Variants in HS6ST3 observed in about 807,000 individuals in gnomAD.
HS6ST3 encodes the protein heparan sulfate 6-O-sulfotransferase 3.
HS6ST3 carries 12 observed loss-of-function variants against 36.7 expected under a neutral mutation model. The observed-to-expected ratio is 0.33, with a 90% CI of 0.21 to 0.53. The LOEUF is 0.53. Ranked by LOEUF, HS6ST3 falls within the 20% of genes least tolerant of loss-of-function variation. HS6ST3 has a pLI of 0.95. For synonymous variants in HS6ST3, 240 were observed against 257.5 expected (o/e 0.93, Z 0.65); for missense variants, 584 against 640.9 (o/e 0.91, Z 0.96).
chr13:96,094,211 T>G (rs2053778983), intron 1 of HS6ST3, among the ~76,000 whole-genome samples: 1 of 152,202 alleles, frequency 6.6e-6, no homozygotes, highest in Non-Finnish European at 1.5e-5. Context: ...ATGGCCATTA[T>G]AGGGGTGTTG....
chr13:96,253,174 G>A (rs1053836131), intron 1 of HS6ST3, among the ~76,000 whole-genome samples: 5 of 152,026 alleles, frequency 3.3e-5, no homozygotes, highest in Non-Finnish European at 7.4e-5. Context: ...GAGTTTGTGA[G>A]CCAGTTAGTA....
At chr13:96,340,206 C>T (rs2055123242) in intron 1 of HS6ST3, among the ~76,000 whole-genome samples, 1 of 152,180 alleles carries the variant, frequency 6.6e-6, no homozygotes, top group African/African-American at 2.4e-5. Flanking sequence ...ACATGTCACC[C>T]AGAGGTCCTG....
At chr13:96,542,524 G>A (rs982593432) in intron 1 of HS6ST3, among the ~76,000 whole-genome samples, 2 of 152,050 alleles carry the variant, frequency 1.3e-5, no homozygotes, top group African/African-American at 4.8e-5. Context: ...ATTTGGGAAG[G>A]GGGAACTTGT....
chr13:96,272,770 T>C (rs1300040520), intron 1 of HS6ST3, among the ~76,000 whole-genome samples: 1 of 152,014 alleles, frequency 6.6e-6, no homozygotes, highest in African/African-American at 2.4e-5. Flanking sequence ...AGATATTCTT[T>C]AGTAGGTCTT....
chr13:96,689,882 T>G (rs1039149476), intron 1 of HS6ST3, among the ~76,000 whole-genome samples: 4 of 152,050 alleles, frequency 2.6e-5, no homozygotes, highest in Non-Finnish European at 4.4e-5. Context: ...GCATTAACAT[T>G]GATAACTTAG....
intron 1 of HS6ST3, among the ~76,000 whole-genome samples, chr13:96,526,735 T>C (rs1487606789): frequency 6.6e-6 from 1 of 152,216 alleles, no homozygotes; most frequent in African/African-American, 2.4e-5. Context: ...TTTTTCTTCA[T>C]ATCATTAGGT....
At chr13:96,517,375 G>A (rs559635035) in intron 1 of HS6ST3, among the ~76,000 whole-genome samples, 1 of 152,270 alleles carries the variant, frequency 6.6e-6, no homozygotes, top group South Asian at 2.1e-4. Context: ...GCAAGACCCT[G>A]TCTCAAACAA....
At chr13:96,650,732 A>G (rs949931310) in intron 1 of HS6ST3, among the ~76,000 whole-genome samples, 3 of 152,076 alleles carry the variant, frequency 2.0e-5, no homozygotes, top group Non-Finnish European at 4.4e-5. Context: ...TGAAGTTCAC[A>G]CAATGGCCAC....
chr13:96,694,939 A>C (rs639039), intron 1 of HS6ST3, among the ~76,000 whole-genome samples: 152,272 of 152,272 alleles, frequency 1, 76,136 homozygotes, highest in Non-Finnish European at 1. Flanking sequence ...GACATAGACA[A>C]CTAGAAACTC....
intron 1 of HS6ST3, among the ~76,000 whole-genome samples, chr13:96,326,167 CTTTTTT>C (rs11334148): frequency 1.5e-5 from 2 of 137,740 alleles, no homozygotes; most frequent in East Asian, 4.3e-4. Flanking sequence ...TTCATTTTTT[CTTTTTT>C]TTTTTAATTT....
chr13:96,191,259 G>T (rs1420701868), intron 1 of HS6ST3, among the ~76,000 whole-genome samples: 1 of 152,104 alleles, frequency 6.6e-6, no homozygotes, highest in African/African-American at 2.4e-5. Flanking sequence ...CTGCCAGAAT[G>T]ACCTTTCTAA....
At chr13:96,561,708 A>C (rs1459499940) in intron 1 of HS6ST3, among the ~76,000 whole-genome samples, 1 of 152,168 alleles carries the variant, frequency 6.6e-6, no homozygotes, top group Non-Finnish European at 1.5e-5. Flanking sequence ...TCATTAAAAA[A>C]TAAGCAAAGG....
intron 1 of HS6ST3, among the ~76,000 whole-genome samples, chr13:96,675,395 T>A (rs1306566598): frequency 6.6e-6 from 1 of 152,134 alleles, no homozygotes; most frequent in East Asian, 1.9e-4. Flanking sequence ...TTTATATATG[T>A]CACATTTGTT....
At chr13:96,482,283 T>C (rs1176167907) in intron 1 of HS6ST3, among the ~76,000 whole-genome samples, 1 of 152,172 alleles carries the variant, frequency 6.6e-6, no homozygotes, top group Non-Finnish European at 1.5e-5. Flanking sequence ...TTTAGGTCTG[T>C]CAATCTGCTT....
At chr13:96,789,153 T>C (rs1239861672) in intron 1 of HS6ST3, among the ~76,000 whole-genome samples, 2 of 151,896 alleles carry the variant, frequency 1.3e-5, no homozygotes, top group Non-Finnish European at 2.9e-5. Flanking sequence ...TTTAAGTTTC[T>C]CTATCAGTTT....
chr13:96,256,553 A>G (rs950618833), intron 1 of HS6ST3, among the ~76,000 whole-genome samples: 2 of 152,234 alleles, frequency 1.3e-5, no homozygotes, highest in African/African-American at 4.8e-5. Context: ...GCCAGCTGGT[A>G]GTACATGCCT....
intron 1 of HS6ST3, among the ~76,000 whole-genome samples, chr13:96,545,742 T>C (rs1387675000): frequency 1.3e-5 from 2 of 152,234 alleles, no homozygotes; most frequent in African/African-American, 4.8e-5. Context: ...TTTTCATCTG[T>C]ATTCTTAAGG....
intron 1 of HS6ST3, among the ~76,000 whole-genome samples, chr13:96,496,740 C>T (rs1477541641): frequency 1.3e-5 from 2 of 152,088 alleles, no homozygotes; most frequent in East Asian, 1.9e-4. Flanking sequence ...AAGGGGAACA[C>T]GTTGCTATTT....
intron 1 of HS6ST3, among the ~76,000 whole-genome samples, chr13:96,757,784 A>G (rs1876870187): frequency 6.6e-6 from 1 of 152,066 alleles, no homozygotes; most frequent in Admixed American, 6.5e-5. Flanking sequence ...TTGATTTTCA[A>G]CTATTAAACC....
Sources: gnomAD v4.1 joint callset for allele counts (sites outside exome capture counted in the v4.1 genomes callset) on GRCh38, gnomAD v4.1.1 for gene constraint, MANE v1.5 for transcripts, NCBI Gene and HGNC (gene_info 2026-07-23, HGNC 2026-07-21) for gene names.